UNC79: variants seen among roughly 807,000 people sequenced by gnomAD.
UNC79 encodes protein unc-79 homolog.
UNC79 carries 37 observed loss-of-function variants against 283.1 expected under a neutral mutation model. That is an observed-to-expected ratio of 0.13 (90% CI 0.10 to 0.17). The LOEUF is 0.17. UNC79 is among the 10% of genes least tolerant of loss of function. The pLI, the probability that UNC79 is intolerant of heterozygous loss-of-function variation, is 1.00. For synonymous variants in UNC79, 1,107 were observed against 1,200.2 expected (o/e 0.92, Z 1.61); for missense variants, 2,272 against 3,211.1 (o/e 0.71, Z 7.07).
intron 1 of UNC79, among the ~76,000 whole-genome samples, chr14:93,362,081 T>A (rs780193200): frequency 6.6e-6 from 1 of 152,146 alleles, no homozygotes; most frequent in Non-Finnish European, 1.5e-5. Flanking sequence ...GCTGCTAGAT[T>A]TGGTTTGGTA....
chr14:93,378,878 A>C (rs1177483162), intron 1 of UNC79, among the ~76,000 whole-genome samples: 1 of 152,222 alleles, frequency 6.6e-6, no homozygotes, highest in East Asian at 1.9e-4. Context: ...AAAAGCGAAA[A>C]CTTAGATACA....
chr14:93,690,898 A>G lies in UNC79; in HGVS notation c.7272+595A>G, dbSNP rs2074635667. ...CAGGCAAACCGGACACATTGGTACTAATCAGCTCCGAGGAGCCAGGGGACC... is the reference window on the plus strand; with the variant it reads ...CAGGCAAACCGGACACATTGGTACTGATCAGCTCCGAGGAGCCAGGGGACC... On this transcript the variant is annotated intron_variant, in intron 45 of 48. Transcript: ENST00000555664. This position sits in a 1 kb window ranked among gnomAD's most constrained non-coding sequence, Gnocchi z 4.3. 1 of 154,038 alleles carries G rather than the reference A, an allele frequency of 6.5e-6. No individual in the cohort carries two copies. Among genetic ancestry groups the G allele is most frequent in the South Asian group, 2.0e-4 (1 of 4,930 alleles). The allele number at this position is 154,038 out of a possible 1,614,324, so 9.5% of individuals were successfully genotyped here.
intron 2 of UNC79, among the ~76,000 whole-genome samples, chr14:93,469,081 C>T (rs1162365677): frequency 6.6e-6 from 1 of 152,218 alleles, no homozygotes; most frequent in Non-Finnish European, 1.5e-5. Context: ...CAGTAGGAAG[C>T]ATGCTGAATT....
intron 30 of UNC79, among the ~76,000 whole-genome samples, chr14:93,627,376 C>T (rs547082329): frequency 4.6e-5 from 7 of 152,278 alleles, no homozygotes; most frequent in African/African-American, 1.7e-4. Context: ...CATCAGTGAC[C>T]TATTGCGGAA....
At chr14:93,501,404 CAT>C (rs1013275554) in intron 7 of UNC79, among the ~76,000 whole-genome samples, 6 of 151,430 alleles carry the variant, frequency 4.0e-5, no homozygotes, top group East Asian at 2.0e-4. Flanking sequence ...ATTACAGTAA[CAT>C]GTGGCCAGCG....
chr14:93,342,274 T>C (rs7161557), intron 1 of UNC79, among the ~76,000 whole-genome samples: 11,202 of 152,264 alleles, frequency 0.074, 872 homozygotes, highest in African/African-American at 0.19. Context: ...ACAGGACCAA[T>C]ACCACATGGA....
At chr14:93,560,271 T>G (rs2062462352) in intron 14 of UNC79, among the ~76,000 whole-genome samples, 1 of 152,210 alleles carries the variant, frequency 6.6e-6, no homozygotes, top group Non-Finnish European at 1.5e-5. Context: ...GGCTCTATCC[T>G]TGAGTTTTTT....
At chr14:93,473,184 A>G (rs956916119) in intron 2 of UNC79, among the ~76,000 whole-genome samples, 1 of 152,092 alleles carries the variant, frequency 6.6e-6, no homozygotes, top group African/African-American at 2.4e-5. Context: ...CGTAAGTAGC[A>G]GCAGTAATAT....
intron 1 of UNC79, among the ~76,000 whole-genome samples, chr14:93,463,750 A>T (rs1265353558): frequency 6.6e-6 from 1 of 152,202 alleles, no homozygotes; most frequent in East Asian, 1.9e-4. Context: ...TGATGTAATT[A>T]TCCCCATTTT....
At chr14:93,453,421 T>G (rs2056706307) in intron 1 of UNC79, among the ~76,000 whole-genome samples, 1 of 152,232 alleles carries the variant, frequency 6.6e-6, no homozygotes, top group Admixed American at 6.5e-5. Context: ...CTATGATTTT[T>G]TAAGTAGAGA....
chr14:93,553,557 A>G (rs2141326590), intron 14 of UNC79, among the ~76,000 whole-genome samples: 1 of 152,344 alleles, frequency 6.6e-6, no homozygotes, highest in East Asian at 1.9e-4. Context: ...GTGGATGACA[A>G]GAGTCTTAGG....
rs1231745884 is a variant in UNC79, at chr14:93,621,970, A to G, written c.4737A>G (p.Pro1579=). The change falls in exon 30 of 49, where the codon CCA becomes CCG. Residue 1579 remains proline (P), a synonymous_variant. Transcript: ENST00000555664. This position sits in a 1 kb window ranked among gnomAD's most constrained non-coding sequence, Gnocchi z 4.8. Reference sequence around the variant, plus strand: ...CAGATGCTCGAAGGCCTGTCATACCAGAGGTTAGGTTAAACTGTATGGAGA... The same window carrying G: ...CAGATGCTCGAAGGCCTGTCATACCGGAGGTTAGGTTAAACTGTATGGAGA... 3.7e-6 allele frequency: 6 copies of G among 1,613,960 alleles called. No homozygotes were observed. The highest frequency in any genetic ancestry group is 2.7e-5 in the African/African-American group (2 of 74,882).
At chr14:93,451,609 G>A (rs1221631461) in intron 1 of UNC79, among the ~76,000 whole-genome samples, 1 of 152,204 alleles carries the variant, frequency 6.6e-6, no homozygotes, top group Non-Finnish European at 1.5e-5. Context: ...TTGAGGAGAG[G>A]TGCTCTCTCA....
At chr14:93,495,513 T>C (rs910001574) in intron 5 of UNC79, among the ~76,000 whole-genome samples, 5 of 152,086 alleles carry the variant, frequency 3.3e-5, no homozygotes, top group African/African-American at 1.2e-4. Flanking sequence ...CCATATCAAT[T>C]GGCAAATGGA....
At chr14:93,422,239 T>G (rs1423735414) in intron 1 of UNC79, among the ~76,000 whole-genome samples, 1 of 151,780 alleles carries the variant, frequency 6.6e-6, no homozygotes, top group Non-Finnish European at 1.5e-5. Flanking sequence ...TACCAGGTTG[T>G]AGGAAGATTT....
At position 93,474,095 on chromosome 14, in the gene UNC79, G is replaced by A; in HGVS notation, c.150G>A (p.Leu50=). The A allele has an allele frequency of 1.3e-6, 2 of 1,533,294 alleles. No individual in the cohort carries two copies. Among genetic ancestry groups the A allele is most frequent in the Non-Finnish European group, 1.7e-6 (2 of 1,144,960 alleles). The allele number at this position is 1,533,294 out of a possible 1,614,324, so 95.0% of individuals were successfully genotyped here. Residue 50 remains leucine (L), a synonymous_variant, in exon 3 of 49, where the codon TTG becomes TTA. Coordinates refer to ENST00000555664, the Ensembl canonical transcript of UNC79. The surrounding 1 kb of genome is among the most constrained non-coding windows in gnomAD (Gnocchi z 4.1). ...TTCTTTGTCCCCCCAACAGCATTTT[G>A]TCCCGCACAGGGAAGAAGGAAAACC...
chr14:93,366,965 G>T (rs951128943), intron 1 of UNC79, among the ~76,000 whole-genome samples: 3 of 152,142 alleles, frequency 2.0e-5, no homozygotes, highest in African/African-American at 7.2e-5. Context: ...CACATCCTCT[G>T]AGTAGAAAAA....
intron 1 of UNC79, chr14:93,466,902 A>G (rs2057208994): frequency 1.0e-6 from 1 of 985,322 alleles, no homozygotes; most frequent in African/African-American, 1.7e-5. Flanking sequence ...GACTCCAGGT[A>G]GGTCTAGGAG....
intron 7 of UNC79, among the ~76,000 whole-genome samples, chr14:93,497,628 A>G (rs1242735635): frequency 2.0e-5 from 3 of 152,206 alleles, no homozygotes; most frequent in Non-Finnish European, 4.4e-5. Context: ...CCCAACTAGC[A>G]GATTCTGCTC....
Sources: gnomAD v4.1 joint callset for allele counts (sites outside exome capture counted in the v4.1 genomes callset) on GRCh38, gnomAD v4.1.1 for gene constraint, Gnocchi (gnomAD v3.1) non-coding constraint, MANE v1.5 for transcripts, NCBI Gene and HGNC (gene_info 2026-07-23, HGNC 2026-07-21) for gene names.